Variants in FN1 observed in about 807,000 individuals in gnomAD.
FN1 encodes fibronectin 1.
FN1 carries 106 observed loss-of-function variants against 297.3 expected under a neutral mutation model. The ratio of observed to expected loss-of-function variants is 0.36; its 90% CI spans 0.30 to 0.42. The LOEUF (loss-of-function observed/expected upper bound fraction) is 0.42. Among genes scored for constraint, FN1 ranks in the 10% least tolerant of loss-of-function variants. The probability of loss-of-function intolerance (pLI) is 1.00; values close to 1 mark genes in which losing one functional copy is unlikely to be tolerated. For synonymous variants in FN1, 1,149 were observed against 1,152.6 expected (o/e 1.00, Z 0.06); for missense variants, 2,690 against 3,124.9 (o/e 0.86, Z 3.32).
chr2:215,420,038 C>G (rs537180144), intron 11 of FN1, among the ~76,000 whole-genome samples: 1 of 152,032 alleles, frequency 6.6e-6, no homozygotes, highest in African/African-American at 2.4e-5. Context: ...TTGCTTAGTT[C>G]TATTTTGAAG....
intron 6 of FN1, among the ~76,000 whole-genome samples, chr2:215,426,672 G>A (rs1343730361): frequency 2.0e-5 from 3 of 152,142 alleles, no homozygotes; most frequent in Admixed American, 2.0e-4. Context: ...AGAGTATGAT[G>A]TAAAGGAACA....
intron 38 of FN1, among the ~76,000 whole-genome samples, chr2:215,373,910 C>T (rs2056766904): frequency 6.6e-6 from 1 of 152,068 alleles, no homozygotes; most frequent in South Asian, 2.1e-4. Flanking sequence ...TCTCGATCTC[C>T]TGACCTTGTG....
intron 11 of FN1, among the ~76,000 whole-genome samples, chr2:215,419,859 C>A (rs566322138): frequency 5.6e-4 from 85 of 152,260 alleles, no homozygotes; most frequent in African/African-American, 1.9e-3. Context: ...TCTAAGAAAA[C>A]CTCTCAGGCT....
At chr2:215,373,283 G>C in intron 39 of FN1, 39 bp downstream of exon 39, 1 of 1,477,302 alleles carries the variant, frequency 6.8e-7, no homozygotes, top group African/African-American at 1.4e-5. Flanking sequence ...TATTAGTTTT[G>C]TCCTATCTTT....
Position 215,380,172 on chromosome 2 carries a change from A to G in FN1, c.5434+639T>C, listed in dbSNP as rs76483849. ...GGCGTAAGAAGAAAACTGGCTCCCAACAGAAGCAGAAAAGAGAAGCGAAAA... is the reference window on the plus strand; with the variant it reads ...GGCGTAAGAAGAAAACTGGCTCCCAGCAGAAGCAGAAAAGAGAAGCGAAAA... On this transcript the variant is annotated intron_variant, in intron 33 of 45. Coordinates refer to ENST00000354785, the MANE Select transcript of FN1 (RefSeq NM_212482.4). 80 of 152,844 alleles carry G rather than the reference A, an allele frequency of 5.2e-4. No individual in the cohort carries two copies. In the East Asian group the frequency reaches 0.015, roughly 29 times the overall value. 9.5% of individuals were successfully genotyped at this position (152,844 alleles called of 1,614,324 possible).
intron 44 of FN1, 45 bp from the exon 45 acceptor site, chr2:215,362,124 T>C (rs780439441): frequency 1.4e-6 from 2 of 1,411,528 alleles, no homozygotes; most frequent in African/African-American, 1.4e-5. Flanking sequence ...TATGATAACC[T>C]GAGGACATCG....
intron 9 of FN1, 131 bp downstream of exon 9, chr2:215,423,219 C>G: frequency 1.2e-6 from 1 of 810,548 alleles, no homozygotes; most frequent in Non-Finnish European, 2.0e-6. Context: ...CACAAACACA[C>G]TTCACATGAA....
At chr2:215,405,987 C>T (rs2061725632) in intron 19 of FN1, among the ~76,000 whole-genome samples, 1 of 152,122 alleles carries the variant, frequency 6.6e-6, no homozygotes, top group African/African-American at 2.4e-5. Flanking sequence ...CTCTTCAGTT[C>T]TCCCCTCTTA....
chr2:215,369,282 C>T (rs1057501086), intron 41 of FN1, among the ~76,000 whole-genome samples: 5 of 150,542 alleles, frequency 3.3e-5, no homozygotes, highest in South Asian at 2.1e-4. Context: ...ATTCTGTTCA[C>T]GTGGCATTCT....
chr2:215,413,033 C>T (rs2062902400), intron 13 of FN1, among the ~76,000 whole-genome samples: 1 of 152,102 alleles, frequency 6.6e-6, no homozygotes, highest in Admixed American at 6.5e-5. Flanking sequence ...AATCAAGGTT[C>T]AATGGAATTA....
intron 5 of FN1, 103 bp from the exon 6 acceptor site, chr2:215,428,441 G>T: frequency 9.9e-7 from 1 of 1,007,610 alleles, no homozygotes. Flanking sequence ...ATCTATTTTT[G>T]GTAATATGTT....
chr2:215,377,990 T>G lies in FN1; in HGVS notation c.5710+185A>C, dbSNP rs188076757. Among the ~76,000 whole-genome samples the G allele has an allele frequency of 2.1e-3, 317 of 152,288 alleles. 1 individual carries two copies. The highest frequency in any genetic ancestry group is 6.8e-3 in the Middle Eastern group (2 of 294). On this transcript the variant is annotated intron_variant, in intron 35 of 45. Transcript: ENST00000354785. ...TTTATTTTATTTATTTTATTTTTTT[T>G]AAGAGACAGGGCCTTGCTATTTGCC... is the stretch of plus-strand genomic sequence containing the variant.
intron 39 of FN1, 65 bp downstream of exon 39, chr2:215,373,257 A>G: frequency 7.8e-7 from 1 of 1,277,558 alleles, no homozygotes; most frequent in Non-Finnish European, 1.1e-6. Context: ...TTCATATTGC[A>G]AGATTGCTCA....
intron 26 of FN1, among the ~76,000 whole-genome samples, chr2:215,390,847 T>G (rs941341057): frequency 6.6e-6 from 1 of 152,244 alleles, no homozygotes. Context: ...TTCAGACTAA[T>G]ACTTGGTAAT....
chr2:215,392,749 G>C (rs1378379182), intron 25 of FN1, 182 bp downstream of exon 25: 8 of 664,956 alleles, frequency 1.2e-5, no homozygotes, highest in South Asian at 8.6e-5. Flanking sequence ...AAGAATACTT[G>C]CATGTGTTTT....
rs1325009249 is a variant in FN1 at position 215,365,586 on chromosome 2, A to G, written c.7063T>C (p.Trp2355Arg). Residue 2355 changes from tryptophan to arginine, a missense_variant, in exon 43 of 46, where the codon TGG (tryptophan) becomes CGG (arginine). This residue lies in a region of FN1 where 1,743 missense variants were observed against 1,945.2 expected (regional missense o/e 0.90). Transcript: ENST00000354785. Reference sequence around the variant, plus strand: ...TGGCCATTTTCTCCCTGACGGTCCCACTTCTCTCCAATCTTGTAGTTCACA... The same window carrying G: ...TGGCCATTTTCTCCCTGACGGTCCCGCTTCTCTCCAATCTTGTAGTTCACA... ...NGVNYKIGEK[W>R]DRQGENGQMM... 1 of 1,614,006 alleles carries G rather than the reference A, an allele frequency of 6.2e-7. No homozygotes were observed. The highest frequency in any genetic ancestry group is 8.5e-7 in the Non-Finnish European group (1 of 1,179,928).
rs1307209596 is a variant in FN1 at position 215,375,398 on chromosome 2, A to C, written c.5978-5T>G. 6.3e-7 allele frequency: 1 copy of C among 1,598,238 alleles called. No homozygotes were observed. Among genetic ancestry groups the C allele is most frequent in the Admixed American group, 1.7e-5 (1 of 57,310 alleles). ...GGTTGGATGGTGCATCAATGGCTGA[A>C]AGAAAACAAAATTAAGTCTCTAAGA... On this transcript the variant is annotated splice_region_variant and splice_polypyrimidine_tract_variant and intron_variant, in intron 37 of 45. Transcript: ENST00000354785.
In FN1 at chr2:215,435,879, G is replaced by A; in HGVS notation, c.-77C>T. On this transcript the variant is annotated 5_prime_UTR_variant, in exon 1 of 46. Coordinates refer to ENST00000354785, the MANE Select transcript of FN1 (RefSeq NM_212482.4). ...GTTTGCTTCCCTTCGCAACCTGCGG[G>A]AAAAATCCCTTCTAATGCCTCCCGG... 6.8e-7 allele frequency: 1 copy of A among 1,464,784 alleles called. No individual in the cohort carries two copies. The highest frequency in any genetic ancestry group is 9.0e-7 in the Non-Finnish European group (1 of 1,107,988). 90.7% of individuals were successfully genotyped at this position (1,464,784 alleles called of 1,614,324 possible).
Position 215,397,783 on chromosome 2 carries a change from G to A in FN1, c.3414C>T (p.Ile1138=), listed in dbSNP as rs200468961. 2.0e-5 allele frequency: 32 copies of A among 1,614,088 alleles called. 1 individual carries two copies. The highest frequency in any genetic ancestry group is 2.5e-5 in the Non-Finnish European group (29 of 1,179,954). ...PREVTSDSGS[I]VVSGLTPGVE... ...CTCCTGGAGTCAAGCCGGACACAACGATGCTTCCTGAGTCTGAAGTCACTT... is the reference window on the plus strand; with the variant it reads ...CTCCTGGAGTCAAGCCGGACACAACAATGCTTCCTGAGTCTGAAGTCACTT... The change falls in exon 22 of 46, where the codon ATC becomes ATT. Residue 1138 remains isoleucine (I), a synonymous_variant. Transcript: ENST00000354785.
Sources: gnomAD v4.1 joint callset for allele counts (sites outside exome capture counted in the v4.1 genomes callset) on GRCh38, gnomAD v4.1.1 for gene constraint, gnomAD v4.1.1 regional missense constraint, MANE v1.5 for transcripts, NCBI Gene and HGNC (gene_info 2026-07-23, HGNC 2026-07-21) for gene names.